The following TMEM255B variants were observed in gnomAD, a reference collection of about 807,000 sequenced individuals.
The protein encoded by TMEM255B is family with sequence similarity 70, member B.
Under a neutral mutation model 34.5 loss-of-function variants are expected in TMEM255B, and 35 were observed. The observed-to-expected ratio is 1.01, with a 90% CI of 0.77 to 1.34. The LOEUF (loss-of-function observed/expected upper bound fraction) is 1.34, where lower values mean the gene tolerates loss of function less well. TMEM255B is among the 40% of genes most tolerant of loss of function. TMEM255B has a pLI of 0.00. For synonymous variants in TMEM255B, 206 were observed against 201.2 expected, an observed-to-expected ratio of 1.02 and a Z score of -0.20; for missense variants, 432 against 433.2, an observed-to-expected ratio of 1.00 and a Z score of 0.02.
At position 113,809,365 on chromosome 13, in the gene TMEM255B, G is replaced by A. The variant is rs561470511; in HGVS notation, c.814-2371G>A. On this transcript the variant is annotated intron_variant, in intron 8 of 8. Coordinates refer to ENST00000375353, the MANE Select transcript of TMEM255B (RefSeq NM_182614.4). ...AACTCTGTGGTTCCTGGGGGGAGGG[G>A]TTACTCTGTGGTTCCTGGGAGTTTA... 2.5e-3 allele frequency among the ~76,000 whole-genome samples: 252 copies of A among 101,898 alleles called. 1 individual carries two copies. Among genetic ancestry groups the A allele is most frequent in the Non-Finnish European group, 3.9e-3 (207 of 52,478 alleles). The allele number at this position is 101,898 out of a possible 152,430, so 66.8% of individuals were successfully genotyped here. A position where few individuals can be genotyped will look rare whatever the true frequency, so the allele number is the denominator to read the frequency against.
Position 113,769,756 on chromosome 13 carries a change from T to A in TMEM255B, c.252+596T>A. On this transcript the variant is annotated intron_variant, in intron 3 of 8. Transcript: ENST00000375353. The surrounding 1 kb of genome is among the most constrained non-coding windows in gnomAD (Gnocchi z 4.2). ...AAGTCTGTTTTGTTGATGCACTGTT[T>A]TGGGGACTATAACTTTAAAAACAAA... is the stretch of plus-strand genomic sequence containing the variant. The A allele has an allele frequency of 6.5e-6, 1 of 153,210 alleles. No individual in the cohort carries two copies. The highest frequency in any genetic ancestry group is 1.5e-5 in the Non-Finnish European group (1 of 68,680). 9.5% of individuals were successfully genotyped at this position (153,210 alleles called of 1,614,324 possible). A position where few individuals can be genotyped will look rare whatever the true frequency, so the allele number is the denominator to read the frequency against.
At position 113,806,968 on chromosome 13, in the gene TMEM255B, T is replaced by C. The variant is rs2051184676; in HGVS notation, c.813+1940T>C. Among the ~76,000 whole-genome samples the C allele has an allele frequency of 6.6e-6, 1 of 152,176 alleles. No individual in the cohort carries two copies. The highest frequency in any genetic ancestry group is 6.5e-5 in the Admixed American group (1 of 15,286). ...CCCAGAGCATAGCCTCGGTGGCCCA[T>C]GCTGTCTTCCATCCTCAACCTCAGC... is the stretch of plus-strand genomic sequence containing the variant. On this transcript the variant is annotated intron_variant, in intron 8 of 8. Transcript: ENST00000375353. This position sits in a 1 kb window ranked among gnomAD's most constrained non-coding sequence, Gnocchi z 4.2.
chr13:113,812,231 C>A lies in TMEM255B; in HGVS notation c.*328C>A. ...TTAATTAGCTATTATTATGATTTTG[C>A]AAAGACAGTGCAGCCCCGGCCTCCC... On this transcript the variant is annotated 3_prime_UTR_variant, in exon 9 of 9. Coordinates refer to ENST00000375353, the MANE Select transcript of TMEM255B (RefSeq NM_182614.4). The A allele has an allele frequency of 2.7e-6, 1 of 366,132 alleles. No homozygotes were observed. The highest frequency in any genetic ancestry group is 4.9e-6 in the Non-Finnish European group (1 of 202,570). 22.7% of individuals were successfully genotyped at this position (366,132 alleles called of 1,614,324 possible).
chr13:113,766,629 A>G (rs996436015), intron 2 of TMEM255B, among the ~76,000 whole-genome samples: 1 of 152,228 alleles, frequency 6.6e-6, no homozygotes, highest in Non-Finnish European at 1.5e-5. Flanking sequence ...CAGGATGTCC[A>G]AAAAGGCCGG....
chr13:113,802,252 C>A (rs1000944266), intron 7 of TMEM255B, among the ~76,000 whole-genome samples: 16 of 152,186 alleles, frequency 1.1e-4, no homozygotes, highest in African/African-American at 3.9e-4. Context: ...GGAAGGGGCC[C>A]CTCGCGGGAG....
intron 3 of TMEM255B, among the ~76,000 whole-genome samples, chr13:113,789,536 C>T (rs190639545): frequency 2.6e-5 from 4 of 152,328 alleles, no homozygotes; most frequent in Middle Eastern, 3.4e-3. Flanking sequence ...AGGCAGCTCT[C>T]GTGAGGCTGG....
At chr13:113,761,847 C>G (rs1594610971) in intron 1 of TMEM255B, among the ~76,000 whole-genome samples, 1 of 152,160 alleles carries the variant, frequency 6.6e-6, no homozygotes, top group Non-Finnish European at 1.5e-5. Flanking sequence ...ATGTCCTCAT[C>G]TGAGCCCCGG....
At chr13:113,760,028 G>A (rs1456311643) in intron 1 of TMEM255B, among the ~76,000 whole-genome samples, 1 of 152,162 alleles carries the variant, frequency 6.6e-6, no homozygotes, top group African/African-American at 2.4e-5. Context: ...CTTCCTGAGG[G>A]GGAGAGGGCT....
intron 3 of TMEM255B, among the ~76,000 whole-genome samples, chr13:113,791,792 C>T (rs2050836966): frequency 6.6e-6 from 1 of 152,224 alleles, no homozygotes; most frequent in Admixed American, 6.5e-5. Flanking sequence ...GGGAATTGTG[C>T]CCAACAGAAA....
intron 3 of TMEM255B, among the ~76,000 whole-genome samples, chr13:113,791,361 G>A (rs991090165): frequency 2.6e-5 from 4 of 152,228 alleles, no homozygotes; most frequent in Non-Finnish European, 5.9e-5. Flanking sequence ...CCTGCCGGCC[G>A]CCGAGCCGGA....
intron 3 of TMEM255B, among the ~76,000 whole-genome samples, chr13:113,782,629 C>T (rs1054745546): frequency 1.2e-4 from 18 of 146,520 alleles, no homozygotes; most frequent in Admixed American, 7.0e-4. Flanking sequence ...CTCAGTCCTC[C>T]GTTGTCAGTG....
intron 8 of TMEM255B, among the ~76,000 whole-genome samples, chr13:113,805,411 C>A (rs746951640): frequency 3.0e-4 from 45 of 152,214 alleles, no homozygotes; most frequent in Non-Finnish European, 4.7e-4. Flanking sequence ...CAAAATCCAA[C>A]CCCATTTTAC....
intron 8 of TMEM255B, among the ~76,000 whole-genome samples, chr13:113,808,048 T>C (rs2051218324): frequency 6.6e-6 from 1 of 152,184 alleles, no homozygotes; most frequent in South Asian, 2.1e-4. Context: ...ATACGCACGC[T>C]GATAATTGGA....
intron 8 of TMEM255B, among the ~76,000 whole-genome samples, chr13:113,810,294 T>C (rs1163150845): frequency 2.6e-5 from 4 of 152,170 alleles, no homozygotes; most frequent in Non-Finnish European, 5.9e-5. Context: ...AAGGAGTTTG[T>C]TTGCTTTATT....
At chr13:113,808,843 G>A (rs1271058173) in intron 8 of TMEM255B, among the ~76,000 whole-genome samples, 1 of 139,348 alleles carries the variant, frequency 7.2e-6, no homozygotes, top group African/African-American at 2.7e-5. Flanking sequence ...TGGTTCCTGG[G>A]GGTTTACTCC....
intron 3 of TMEM255B, among the ~76,000 whole-genome samples, chr13:113,793,718 C>T (rs1430557450): frequency 6.6e-6 from 1 of 152,234 alleles, no homozygotes; most frequent in Non-Finnish European, 1.5e-5. Context: ...AACACCCAGA[C>T]TCGCAGTGAG....
At chr13:113,800,342 T>TGTGTGTGTGTGTGTGTG (rs1236534768) in intron 5 of TMEM255B, among the ~76,000 whole-genome samples, 1 of 134,832 alleles carries the variant, frequency 7.4e-6, no homozygotes, top group Non-Finnish European at 1.6e-5. Context: ...TGTGTGTGTG[T>TGTGTGTGTGTGTGTGTG]TGGGGGGTGT....
intron 4 of TMEM255B, 48 bp downstream of exon 4, chr13:113,795,285 A>G: frequency 6.4e-7 from 1 of 1,571,310 alleles, no homozygotes; most frequent in Non-Finnish European, 8.7e-7. Context: ...GGGCTGAAAG[A>G]GTCGACGTGA....
At chr13:113,774,693 C>T (rs922417721) in intron 3 of TMEM255B, among the ~76,000 whole-genome samples, 11 of 142,026 alleles carry the variant, frequency 7.7e-5, no homozygotes, top group South Asian at 2.2e-4. Flanking sequence ...CCACACATGA[C>T]ACACACACCA....
Sources: gnomAD v4.1 joint callset for allele counts (sites outside exome capture counted in the v4.1 genomes callset) on GRCh38, gnomAD v4.1.1 for gene constraint, Gnocchi (gnomAD v3.1) non-coding constraint, MANE v1.5 for transcripts, NCBI Gene and HGNC (gene_info 2026-07-23, HGNC 2026-07-21) for gene names.